Variants in C12orf42 observed in about 807,000 individuals in gnomAD.
C12orf42 encodes the protein uncharacterized protein C12orf42.
In C12orf42, 25 loss-of-function variants were observed where a neutral mutation model predicts 21.6. The ratio of observed to expected loss-of-function variants is 1.16; its 90% CI spans 0.84 to 1.62. The LOEUF is 1.62. C12orf42 is among the 40% of genes most tolerant of loss of function. The probability of loss-of-function intolerance (pLI) is 0.00; values close to 1 mark genes in which losing one functional copy is unlikely to be tolerated. For missense variants in C12orf42, 483 were observed against 459.3 expected, an observed-to-expected ratio of 1.05 and a Z score of -0.47; for synonymous variants, 174 against 175.0, an observed-to-expected ratio of 0.99 and a Z score of 0.05.
Position 103,331,823 on chromosome 12 carries a change from G to A in C12orf42, c.260-25478C>T, listed in dbSNP as rs117217826. Among the ~76,000 whole-genome samples, 216 of 152,268 alleles carry A rather than the reference G, an allele frequency of 1.4e-3. 4 individuals are homozygous for A. In the East Asian group the frequency reaches 0.033, roughly 23 times the overall value. The stretch of plus-strand genomic sequence containing the variant: ...ACATGGAATTAAATAGATAAGGAGG[G>A]TATCTATAGTCATTGCCCACAAGGG... On this transcript the variant is annotated intron_variant, in intron 4 of 5. Coordinates refer to ENST00000548883, the MANE Select transcript of C12orf42 (RefSeq NM_198521.5).
At chr12:103,469,749 A>T (rs1449483518) in intron 2 of C12orf42, among the ~76,000 whole-genome samples, 1 of 152,206 alleles carries the variant, frequency 6.6e-6, no homozygotes, top group Non-Finnish European at 1.5e-5. Context: ...AATCAAGTCA[A>T]ATTGCTCTGC....
chr12:103,370,385 C>T (rs1328145854), intron 3 of C12orf42, among the ~76,000 whole-genome samples: 1 of 151,706 alleles, frequency 6.6e-6, no homozygotes, highest in African/African-American at 2.4e-5. Context: ...ATATATATAC[C>T]CCCAAAGGAA....
intron 10 of C12orf42, among the ~76,000 whole-genome samples, chr12:103,254,735 G>A (rs938371204): frequency 6.6e-6 from 1 of 152,112 alleles, no homozygotes; most frequent in South Asian, 2.1e-4. Flanking sequence ...CACAGGAAGG[G>A]GAACAACACA....
At chr12:103,164,874 G>A in the C12orf42 span, 7 of 313,258 alleles carry the variant, frequency 2.2e-5, no homozygotes, top group South Asian at 1.7e-4. Flanking sequence ...TGGAGTATTA[G>A]GATATTAGGA....
the C12orf42 span, among the ~76,000 whole-genome samples, chr12:103,063,894 G>A: frequency 6.6e-6 from 1 of 152,202 alleles, no homozygotes; most frequent in East Asian, 1.9e-4. Flanking sequence ...GGATCAGGCT[G>A]TGTTAATTTG....
intron 4 of C12orf42, among the ~76,000 whole-genome samples, chr12:103,362,840 T>C (rs2044236512): frequency 6.6e-6 from 1 of 151,026 alleles, no homozygotes; most frequent in Admixed American, 6.6e-5. Flanking sequence ...CTCCAAGAAG[T>C]TTGGGATTAT....
the C12orf42 span, among the ~76,000 whole-genome samples, chr12:103,124,007 C>T: frequency 6.6e-6 from 1 of 151,954 alleles, no homozygotes; most frequent in Non-Finnish European, 1.5e-5. Flanking sequence ...CCAATAATAC[C>T]TGCCAAAGAA....
chr12:103,160,442 C>A, the C12orf42 span, among the ~76,000 whole-genome samples: 1 of 152,170 alleles, frequency 6.6e-6, no homozygotes, highest in Admixed American at 6.5e-5. Flanking sequence ...GTCTTTAAAT[C>A]TAATACCCTG....
At chr12:103,395,178 C>T (rs1481483798) in intron 3 of C12orf42, among the ~76,000 whole-genome samples, 1 of 152,196 alleles carries the variant, frequency 6.6e-6, no homozygotes, top group Non-Finnish European at 1.5e-5. Flanking sequence ...AATAAAATGA[C>T]TGAGCCAACA....
the C12orf42 span, among the ~76,000 whole-genome samples, chr12:103,226,364 G>C: frequency 6.6e-6 from 1 of 152,078 alleles, no homozygotes; most frequent in Non-Finnish European, 1.5e-5. Context: ...ATTTAATGTC[G>C]GGAGCAGATT....
the C12orf42 span, among the ~76,000 whole-genome samples, chr12:103,057,376 G>A: frequency 2.0e-5 from 3 of 151,824 alleles, no homozygotes; most frequent in African/African-American, 7.3e-5. Context: ...AACAGGCCCT[G>A]GTGTGTGTTG....
rs1316559850 is a variant in C12orf42, at chr12:103,251,462, GCTTC to G, written c.*1366+11860_*1366+11863del. ...ATCTGTATTATTCATACAGTGTTCT[GCTTC>G]CTTATTTGAACCCTGACTGAAAATT... On this transcript the variant is annotated intron_variant and NMD_transcript_variant, in intron 10 of 10. Coordinates refer to the C12orf42 transcript ENST00000547347. Among the ~76,000 whole-genome samples, 5 of 152,188 alleles carry G rather than the reference GCTTC, an allele frequency of 3.3e-5. No individual in the cohort carries two copies. The East Asian group carries it at 9.6e-4, about 29-fold the overall frequency.
chr12:103,374,823 C>A (rs187906363), intron 3 of C12orf42, among the ~76,000 whole-genome samples: 1 of 152,302 alleles, frequency 6.6e-6, no homozygotes, highest in East Asian at 1.9e-4. Context: ...CAACCTAGAG[C>A]AAGCAGGTTG....
the C12orf42 span, among the ~76,000 whole-genome samples, chr12:103,110,770 AC>A: frequency 6.6e-6 from 1 of 152,228 alleles, no homozygotes; most frequent in African/African-American, 2.4e-5. Flanking sequence ...AAAAAGGATA[AC>A]TTGCTACATT....
intron 3 of C12orf42, among the ~76,000 whole-genome samples, chr12:103,395,523 G>T (rs1173830318): frequency 6.6e-6 from 1 of 152,088 alleles, no homozygotes; most frequent in African/African-American, 2.4e-5. Context: ...TTTTAGTAGA[G>T]ACTTGGTTTC....
At chr12:103,218,770 T>C in the C12orf42 span, among the ~76,000 whole-genome samples, 1 of 152,238 alleles carries the variant, frequency 6.6e-6, no homozygotes, top group African/African-American at 2.4e-5. Context: ...ATTTGTCCTT[T>C]CTGGTCATTT....
chr12:103,484,570 T>C (rs1954693690), intron 1 of C12orf42, among the ~76,000 whole-genome samples: 1 of 152,198 alleles, frequency 6.6e-6, no homozygotes. Flanking sequence ...CCTTGTCAGA[T>C]GGGTAGATTG....
the C12orf42 span, among the ~76,000 whole-genome samples, chr12:103,216,436 T>A: frequency 1.3e-5 from 2 of 151,282 alleles, no homozygotes; most frequent in African/African-American, 4.9e-5. Context: ...AGTGGCACAA[T>A]CTCTGCTCGC....
chr12:103,489,773 C>T (rs1593017361), intron 1 of C12orf42, among the ~76,000 whole-genome samples: 1 of 152,370 alleles, frequency 6.6e-6, no homozygotes, highest in East Asian at 1.9e-4. Flanking sequence ...AGGAGAAAAT[C>T]TCCTGGTCTG....
Sources: gnomAD v4.1 joint callset for allele counts (sites outside exome capture counted in the v4.1 genomes callset) on GRCh38, gnomAD v4.1.1 for gene constraint, MANE v1.5 for transcripts, NCBI Gene and HGNC (gene_info 2026-07-23, HGNC 2026-07-21) for gene names.